Variants in WAC observed in about 807,000 individuals in gnomAD.
WAC encodes WW domain containing adaptor with coiled-coil, also known as WW domain-containing adapter protein with coiled-coil.
Under a neutral mutation model 79.6 loss-of-function variants are expected in WAC, and 11 were observed. That is an observed-to-expected ratio of 0.14 (90% CI 0.09 to 0.23). The LOEUF (loss-of-function observed/expected upper bound fraction) is 0.23. Ranked by LOEUF, WAC falls within the 10% of genes least tolerant of loss-of-function variation. WAC has a pLI of 1.00. For missense variants in WAC, 728 were observed against 773.5 expected (o/e 0.94, Z 0.70); for synonymous variants, 304 against 276.9 (o/e 1.10, Z -0.97).
At chr10:28,565,733 G>A (rs1438548238) in intron 3 of WAC, among the ~76,000 whole-genome samples, 1 of 152,110 alleles carries the variant, frequency 6.6e-6, no homozygotes, top group Non-Finnish European at 1.5e-5. Flanking sequence ...TACCAAATTA[G>A]CTTTTCATTT....
intron 3 of WAC, among the ~76,000 whole-genome samples, chr10:28,557,346 C>A (rs1377194214): frequency 6.6e-6 from 1 of 152,102 alleles, no homozygotes. Context: ...GTGTCATTAG[C>A]TATATAAAGG....
intron 1 of WAC, 164 bp from the exon 2 acceptor site, chr10:28,533,834 C>T (rs1836436566): frequency 5.8e-6 from 6 of 1,025,948 alleles, no homozygotes; most frequent in Non-Finnish European, 7.0e-6. Context: ...CCCTCTCCGG[C>T]CCTTCCGGAG....
At chr10:28,586,628 C>T (rs980285994) in intron 4 of WAC, among the ~76,000 whole-genome samples, 1 of 152,018 alleles carries the variant, frequency 6.6e-6, no homozygotes, top group Non-Finnish European at 1.5e-5. Context: ...AAGGCTGCTG[C>T]GTTGAGCTAT....
chr10:28,604,740 C>G (rs1840852132), intron 7 of WAC, among the ~76,000 whole-genome samples: 1 of 152,098 alleles, frequency 6.6e-6, no homozygotes, highest in African/African-American at 2.4e-5. Flanking sequence ...AGATACAACA[C>G]AATTCCTCTC....
intron 1 of WAC, 113 bp downstream of exon 1, chr10:28,533,733 G>C: frequency 7.6e-7 from 1 of 1,320,534 alleles, no homozygotes; most frequent in African/African-American, 1.5e-5. Context: ...ACCCTGATCC[G>C]GATCGGGTTG....
At chr10:28,568,534 C>G (rs975965418) in intron 3 of WAC, among the ~76,000 whole-genome samples, 1 of 152,064 alleles carries the variant, frequency 6.6e-6, no homozygotes, top group Non-Finnish European at 1.5e-5. Context: ...GCACCCGCCA[C>G]CATGCCAGGC....
intron 10 of WAC, among the ~76,000 whole-genome samples, chr10:28,612,359 G>A (rs924568447): frequency 6.6e-6 from 1 of 152,176 alleles, no homozygotes; most frequent in Non-Finnish European, 1.5e-5. Context: ...TTATTTAATA[G>A]ATGAGAAAAT....
intron 3 of WAC, among the ~76,000 whole-genome samples, chr10:28,580,200 A>G (rs1185763961): frequency 6.6e-6 from 1 of 152,186 alleles, no homozygotes; most frequent in African/African-American, 2.4e-5. Context: ...CTTGATTATT[A>G]TGCTGTGCCT....
chr10:28,601,944 G>C (rs1428681472), intron 7 of WAC, among the ~76,000 whole-genome samples: 1 of 152,156 alleles, frequency 6.6e-6, no homozygotes, highest in Non-Finnish European at 1.5e-5. Context: ...AGATGAAAAT[G>C]TTCTGGAGAC....
rs1429409203 is a variant in WAC at position 28,533,378 on chromosome 10, G to C, written c.-202G>C. The C allele has an allele frequency of 6.4e-6, 1 of 157,364 alleles. No individual in the cohort carries two copies. The highest frequency in any genetic ancestry group is 2.4e-5 in the African/African-American group (1 of 41,450). 9.7% of individuals were successfully genotyped at this position (157,364 alleles called of 1,614,324 possible). On this transcript the variant is annotated 5_prime_UTR_variant, in exon 1 of 14. Transcript: ENST00000354911. ...TGTAGTTGGCGCCGCTGCCCCGGCTGAGAGTGAGCGTGGTGTCGACGGAGG... is the reference window on the plus strand; with the variant it reads ...TGTAGTTGGCGCCGCTGCCCCGGCTCAGAGTGAGCGTGGTGTCGACGGAGG...
rs71391053 is a variant in WAC, at chr10:28,581,238, CTTTTTTTTTTTTTTTT to C, written c.275-2144_275-2129del. Among the ~76,000 whole-genome samples, 18 of 66,120 alleles carry C rather than the reference CTTTTTTTTTTTTTTTT, an allele frequency of 2.7e-4. No homozygotes were observed. In the South Asian group the frequency reaches 9.7e-3, roughly 35 times the overall value. 43.4% of individuals were successfully genotyped at this position (66,120 alleles called of 152,430 possible). On this transcript the variant is annotated intron_variant, in intron 3 of 13. Transcript: ENST00000354911. ...AACAGCTTAGGTACAATGAGCGATT[CTTTTTTTTTTTTTTTT>C]TTTTTTTTTTTTTTTTAAGACGGGT...
intron 12 of WAC, 39 bp from the exon 13 acceptor site, chr10:28,617,618 T>C (rs1267647986): frequency 6.6e-7 from 1 of 1,509,884 alleles, no homozygotes; most frequent in Non-Finnish European, 8.8e-7. Flanking sequence ...TGTATGTTAA[T>C]GTTTATATTT....
intron 2 of WAC, among the ~76,000 whole-genome samples, chr10:28,534,840 A>C (rs750574696): frequency 6.6e-6 from 1 of 152,206 alleles, no homozygotes; most frequent in Non-Finnish European, 1.5e-5. Context: ...AAAACATTGG[A>C]TATGTCAAAA....
chr10:28,564,719 G>A (rs1369053580), intron 3 of WAC, among the ~76,000 whole-genome samples: 1 of 152,222 alleles, frequency 6.6e-6, no homozygotes, highest in Non-Finnish European at 1.5e-5. Flanking sequence ...TAATACTGCA[G>A]AGAAATTCAG....
intron 3 of WAC, among the ~76,000 whole-genome samples, chr10:28,574,376 G>GA (rs1328125695): frequency 6.6e-6 from 1 of 151,994 alleles, no homozygotes; most frequent in African/African-American, 2.4e-5. Context: ...TCAAACTCCT[G>GA]ACCTCGGGCA....
intron 5 of WAC, 86 bp from the exon 6 acceptor site, chr10:28,590,634 G>T (rs1840036264): frequency 1.8e-6 from 2 of 1,082,770 alleles, no homozygotes; most frequent in East Asian, 5.3e-5. Context: ...TATACCATTT[G>T]TTAGGCATTT....
chr10:28,584,182 G>GT (rs1308970640), intron 4 of WAC, among the ~76,000 whole-genome samples: 1 of 152,198 alleles, frequency 6.6e-6, no homozygotes, highest in Non-Finnish European at 1.5e-5. Flanking sequence ...GCCTGTTAAA[G>GT]TTGCTTTGGA....
chr10:28,540,221 A>C (rs528570705), intron 3 of WAC, among the ~76,000 whole-genome samples: 126 of 152,326 alleles, frequency 8.3e-4, no homozygotes, highest in South Asian at 3.1e-3. Flanking sequence ...TAGTATCCTT[A>C]TTTCCAGTTT....
chr10:28,568,134 G>C (rs1257916734), intron 3 of WAC, among the ~76,000 whole-genome samples: 1 of 152,120 alleles, frequency 6.6e-6, no homozygotes. Flanking sequence ...ATTCTTTTTG[G>C]TCCCTTTAGT....
Sources: allele counts gnomAD v4.1 joint callset (sites outside exome capture counted in the v4.1 genomes callset), GRCh38; gene constraint gnomAD v4.1.1; transcripts MANE v1.5; gene names NCBI Gene and HGNC (gene_info 2026-07-23, HGNC 2026-07-21).